Variants in RNLS observed in about 807,000 individuals in gnomAD.
RNLS encodes the protein renalase, FAD dependent amine oxidase.
In RNLS, 39 loss-of-function variants were observed where a neutral mutation model predicts 39.8. The ratio of observed to expected loss-of-function variants is 0.98; its 90% confidence interval spans 0.76 to 1.28. RNLS has a LOEUF of 1.28. Ranked by LOEUF, RNLS falls within the 50% of genes most tolerant of loss-of-function variation. RNLS has a pLI of 0.00. For missense variants in RNLS, 410 were observed against 413.3 expected (o/e 0.99, Z 0.07); for synonymous variants, 147 against 150.7 (o/e 0.98, Z 0.18).
At chr10:88,510,119 T>C (rs987634941) in intron 4 of RNLS, among the ~76,000 whole-genome samples, 1 of 152,162 alleles carries the variant, frequency 6.6e-6, no homozygotes, top group Non-Finnish European at 1.5e-5. Context: ...TCACACTTCA[T>C]GGAAGTGTGT....
intron 4 of RNLS, among the ~76,000 whole-genome samples, chr10:88,380,664 G>A (rs1418112823): frequency 2.0e-5 from 3 of 152,022 alleles, no homozygotes; most frequent in Non-Finnish European, 4.4e-5. Context: ...GATTACAGGC[G>A]TGAGCCACTG....
At chr10:88,340,791 G>A (rs186174326) in intron 5 of RNLS, among the ~76,000 whole-genome samples, 1 of 152,244 alleles carries the variant, frequency 6.6e-6, no homozygotes, top group East Asian at 1.9e-4. Flanking sequence ...GCTGGGTGCG[G>A]TGGCTCTCAC....
chr10:88,413,627 G>A (rs958847447), intron 4 of RNLS, among the ~76,000 whole-genome samples: 1 of 152,160 alleles, frequency 6.6e-6, no homozygotes, highest in African/African-American at 2.4e-5. Flanking sequence ...CATCACTGAG[G>A]TGAAATGATG....
At chr10:88,449,916 A>G (rs1367553671) in intron 4 of RNLS, among the ~76,000 whole-genome samples, 1 of 152,182 alleles carries the variant, frequency 6.6e-6, no homozygotes, top group Admixed American at 6.5e-5. Flanking sequence ...AAGAAGCATC[A>G]AGAACAAAAT....
chr10:88,493,214 G>C (rs1844981040), intron 4 of RNLS, among the ~76,000 whole-genome samples: 1 of 151,976 alleles, frequency 6.6e-6, no homozygotes. Context: ...GATAATAAAT[G>C]AATATTTAAT....
chr10:88,361,302 CAG>C (rs1188045591), intron 5 of RNLS, among the ~76,000 whole-genome samples: 1 of 152,188 alleles, frequency 6.6e-6, no homozygotes, highest in Non-Finnish European at 1.5e-5. Context: ...AGACACAATT[CAG>C]TCCATAGCAG....
intron 4 of RNLS, among the ~76,000 whole-genome samples, chr10:88,374,297 G>A (rs923726655): frequency 1.0e-3 from 159 of 152,000 alleles, no homozygotes; most frequent in Non-Finnish European, 1.0e-3. Context: ...TTCAATTATA[G>A]ACCAGGTTAT....
intron 4 of RNLS, among the ~76,000 whole-genome samples, chr10:88,499,212 T>G (rs1411959695): frequency 6.6e-6 from 1 of 152,182 alleles, no homozygotes; most frequent in Non-Finnish European, 1.5e-5. Flanking sequence ...TCTACTGCTC[T>G]GCCCAACACA....
chr10:88,372,203 T>C (rs1225032822), intron 4 of RNLS, among the ~76,000 whole-genome samples: 1 of 152,110 alleles, frequency 6.6e-6, no homozygotes, highest in East Asian at 1.9e-4. Flanking sequence ...CTCAAACTGT[T>C]AGTGTGTTAC....
At chr10:88,195,521 C>CT in the RNLS span, among the ~76,000 whole-genome samples, 5 of 152,152 alleles carry the variant, frequency 3.3e-5, no homozygotes, top group Non-Finnish European at 1.5e-5. Flanking sequence ...CTGAACAACC[C>CT]TGTAGACCCT....
intron 4 of RNLS, among the ~76,000 whole-genome samples, chr10:88,521,113 C>T (rs1846699271): frequency 6.6e-6 from 1 of 151,990 alleles, no homozygotes; most frequent in Non-Finnish European, 1.5e-5. Flanking sequence ...TTCAAAGATA[C>T]TGCCTTTTAG....
chr10:88,315,450 G>A (rs1389094894), intron 5 of RNLS, among the ~76,000 whole-genome samples: 1 of 152,152 alleles, frequency 6.6e-6, no homozygotes, highest in Non-Finnish European at 1.5e-5. Context: ...GCTATTATTT[G>A]TTTGAATCAT....
the RNLS span, among the ~76,000 whole-genome samples, chr10:88,217,134 C>T: frequency 6.6e-6 from 1 of 152,152 alleles, no homozygotes; most frequent in Non-Finnish European, 1.5e-5. Flanking sequence ...GCCTTTAGAA[C>T]ACTTCTAAGA....
intron 5 of RNLS, among the ~76,000 whole-genome samples, chr10:88,330,330 T>G (rs1391033070): frequency 6.6e-6 from 1 of 152,026 alleles, no homozygotes; most frequent in East Asian, 1.9e-4. Context: ...CCATGACCAC[T>G]TTAACTAGAT....
At chr10:88,233,699 T>G in the RNLS span, among the ~76,000 whole-genome samples, 154 of 152,254 alleles carry the variant, frequency 1.0e-3, 1 homozygote, top group Admixed American at 3.0e-3. Flanking sequence ...ACTTTGTCAG[T>G]TTTGGACTTC....
chr10:88,551,453 T>C (rs573809312), intron 4 of RNLS, among the ~76,000 whole-genome samples: 39 of 152,336 alleles, frequency 2.6e-4, no homozygotes, highest in African/African-American at 8.4e-4. Flanking sequence ...CATGGACTAA[T>C]AGTCACACTT....
intron 5 of RNLS, among the ~76,000 whole-genome samples, chr10:88,348,855 C>T (rs2133269015): frequency 6.6e-6 from 1 of 152,242 alleles, no homozygotes; most frequent in African/African-American, 2.4e-5. Flanking sequence ...CACAAGGCAA[C>T]ATGGCCCTTC....
the RNLS span, among the ~76,000 whole-genome samples, chr10:88,226,738 CTTTTTTTTTTTT>C: frequency 1.9e-4 from 13 of 69,472 alleles, no homozygotes; most frequent in African/African-American, 4.2e-4. Context: ...TCTCCCTTCA[CTTTTTTTTTTTT>C]TTTTTTTTTT....
At chr10:88,204,171 G>A in the RNLS span, among the ~76,000 whole-genome samples, 1 of 152,126 alleles carries the variant, frequency 6.6e-6, no homozygotes, top group Non-Finnish European at 1.5e-5. Flanking sequence ...TGGAGCACTT[G>A]ATCACATTCT....
Sources: gnomAD v4.1 joint callset for allele counts (sites outside exome capture counted in the v4.1 genomes callset) on GRCh38, gnomAD v4.1.1 for gene constraint, MANE v1.5 for transcripts, NCBI Gene and HGNC (gene_info 2026-07-23, HGNC 2026-07-21) for gene names.